The following PSD4 variants were observed in gnomAD, a reference collection of about 807,000 sequenced individuals.
PSD4 encodes pleckstrin and Sec7 domain containing 4.
Under a neutral mutation model 112.5 loss-of-function variants are expected in PSD4, and 59 were observed. The ratio of observed to expected loss-of-function variants is 0.52; its 90% CI spans 0.43 to 0.65. PSD4 has a LOEUF of 0.65. PSD4 is among the 30% of genes least tolerant of loss of function. The probability of loss-of-function intolerance (pLI) is 0.00; values close to 1 mark genes in which losing one functional copy is unlikely to be tolerated. For missense variants in PSD4, 1,267 were observed against 1,352.6 expected, an observed-to-expected ratio of 0.94 and a Z score of 0.99; for synonymous variants, 533 against 540.0, an observed-to-expected ratio of 0.99 and a Z score of 0.18.
Position 113,193,651 on chromosome 2 carries a change from G to T in PSD4, c.2091+1G>T. ...GCTTAACACGGACCTGCATGGACAG[G>T]TAAGACGGTGGAGAGAGTCCCTGTG... On this transcript the variant is annotated splice_donor_variant, in intron 9 of 16. Transcript: ENST00000245796. LOFTEE classifies it high-confidence loss of function. The T allele has an allele frequency of 6.2e-7, 1 of 1,613,048 alleles. No individual in the cohort carries two copies. Among genetic ancestry groups the T allele is most frequent in the Non-Finnish European group, 8.5e-7 (1 of 1,179,006 alleles).
chr2:113,185,322 G>C, intron 3 of PSD4, 43 bp from the exon 4 acceptor site: 1 of 1,611,004 alleles, frequency 6.2e-7, no homozygotes. Context: ...CCACCTCTCT[G>C]TGTATCCAGG....
Position 113,201,729 on chromosome 2 carries a change from A to C in PSD4, c.*314A>C. On this transcript the variant is annotated 3_prime_UTR_variant, in exon 17 of 17. Transcript: ENST00000245796. Reference sequence around the variant, plus strand: ...CCCATGTCACCCTCCAGGCCCCAGAATCCAGAGTGGCCTCATTTCCTAGAC... The same window carrying C: ...CCCATGTCACCCTCCAGGCCCCAGACTCCAGAGTGGCCTCATTTCCTAGAC... 6 of 383,476 alleles carry C rather than the reference A, an allele frequency of 1.6e-5. No homozygotes were observed. Among genetic ancestry groups the C allele is most frequent in the Non-Finnish European group, 1.9e-5 (4 of 207,382 alleles). 23.8% of individuals were successfully genotyped at this position (383,476 alleles called of 1,614,324 possible).
rs146574472 is a variant in PSD4 at position 113,185,047 on chromosome 2, C to T, written c.1147C>T (p.Pro383Ser). ...ESGCVGSDLG[P>S]AAHPVQPWAS... ...AGGATGTGTCGGATCTGATCTTGGC[C>T]CTGCTGCACATCCTGTGCAACCTTG... The change falls in exon 3 of 17, where the codon CCT becomes TCT. Residue 383 changes from proline to serine, a missense_variant. Physicochemically the swap from Pro to Ser is moderately conservative, Grantham distance 74 (BLOSUM62 -1). Coordinates refer to ENST00000245796, the MANE Select transcript of PSD4 (RefSeq NM_012455.3). 1 of 1,614,252 alleles carries T rather than the reference C, an allele frequency of 6.2e-7. No homozygotes were observed. Among genetic ancestry groups the T allele is most frequent in the African/African-American group, 1.3e-5 (1 of 75,070 alleles).
At position 113,197,824 on chromosome 2, in the gene PSD4, G is replaced by C. The variant is rs1340548095; in HGVS notation, c.2535G>C (p.Ser845=). 1 of 1,610,672 alleles carries C rather than the reference G, an allele frequency of 6.2e-7. No individual in the cohort carries two copies. Among genetic ancestry groups the C allele is most frequent in the Non-Finnish European group, 8.5e-7 (1 of 1,177,810 alleles). Residue 845 remains serine, a synonymous_variant, in exon 14 of 17, where the codon TCG becomes TCC. Transcript: ENST00000245796. The part of the protein sequence containing the change: ...MVDEPVGVHH[S]LATPATHYTK... ...ATGAGCCCGTGGGGGTGCACCACTC[G>C]CTGGCCACCCCCGCCACGCATTACA...
chr2:113,195,977 G>A (rs577470692), intron 11 of PSD4, among the ~76,000 whole-genome samples, 170 bp from the exon 12 acceptor site: 2 of 152,152 alleles, frequency 1.3e-5, no homozygotes, highest in Non-Finnish European at 2.9e-5. Flanking sequence ...GTGGGGTATG[G>A]CAGAATTTTC....
Position 113,205,480 on chromosome 2 carries a change from A to G in PSD4, c.*4065A>G, listed in dbSNP as rs1307154997. 6.6e-6 allele frequency: 1 copy of G among 152,108 alleles called. No homozygotes were observed. The highest frequency in any genetic ancestry group is 1.9e-4 in the East Asian group (1 of 5,140). 9.4% of individuals were successfully genotyped at this position (152,108 alleles called of 1,614,324 possible). ...CCCAGTCTTTACTAAAAATACAAAAAATAGCCGGGCATGGTGGCACATGCC... is the reference window on the plus strand; with the variant it reads ...CCCAGTCTTTACTAAAAATACAAAAGATAGCCGGGCATGGTGGCACATGCC... On this transcript the variant is annotated 3_prime_UTR_variant, in exon 17 of 17. Transcript: ENST00000245796.
Position 113,184,999 on chromosome 2 carries a change from G to C in PSD4, c.1099G>C (p.Asp367His). The change falls in exon 3 of 17, where the codon GAC becomes CAC. Residue 367 changes from aspartate (D) to histidine (H), a missense_variant. Transcript: ENST00000245796. ...GPAPSAAPCV[D>H]EALTWESGCV... ...TGCTCCATCTGCAGCACCGTGTGTG[G>C]ACGAAGCATTGACCTGGGAATCAGG... The C allele has an allele frequency of 1.2e-6, 2 of 1,614,248 alleles. No homozygotes were observed. Among genetic ancestry groups the C allele is most frequent in the South Asian group, 2.2e-5 (2 of 91,092 alleles).
At chr2:113,179,865 C>T (rs1688082586) in intron 1 of PSD4, among the ~76,000 whole-genome samples, 1 of 152,178 alleles carries the variant, frequency 6.6e-6, no homozygotes, top group Admixed American at 6.5e-5. Flanking sequence ...GAAGGCCGGT[C>T]AGGGACCATT....
chr2:113,185,270 C>T, intron 3 of PSD4, 95 bp from the exon 4 acceptor site: 1 of 1,567,250 alleles, frequency 6.4e-7, no homozygotes, highest in East Asian at 2.2e-5. Flanking sequence ...CATCCTTCCC[C>T]TCCCCTCCTT....
chr2:113,198,592 G>C, intron 14 of PSD4, 148 bp from the exon 15 acceptor site: 1 of 934,390 alleles, frequency 1.1e-6, no homozygotes, highest in Non-Finnish European at 1.5e-6. Context: ...GTCAGAGGTC[G>C]GGTGCCCGGC....
intron 12 of PSD4, 173 bp downstream of exon 12, chr2:113,196,480 T>A: frequency 2.4e-6 from 2 of 836,174 alleles, no homozygotes; most frequent in South Asian, 2.1e-5. Context: ...GGATGCTGTG[T>A]GAGGCACTAG....
At chr2:113,196,106 T>C in intron 11 of PSD4, 41 bp from the exon 12 acceptor site, 1 of 1,588,932 alleles carries the variant, frequency 6.3e-7, no homozygotes, top group Non-Finnish European at 8.6e-7. Context: ...CCAGTTCTCT[T>C]TGCATAGTCA....
intron 1 of PSD4, among the ~76,000 whole-genome samples, chr2:113,174,805 G>A (rs1249420489): frequency 6.6e-6 from 1 of 152,178 alleles, no homozygotes; most frequent in Non-Finnish European, 1.5e-5. Context: ...CTGCATGGAG[G>A]GAAAGTCCCC....
Position 113,206,982 on chromosome 2 carries a change from C to T in PSD4, c.*5567C>T, listed in dbSNP as rs561880736. 6.6e-6 allele frequency: 1 copy of T among 152,276 alleles called. No individual in the cohort carries two copies. The highest frequency in any genetic ancestry group is 2.4e-5 in the African/African-American group (1 of 41,546). 9.4% of individuals were successfully genotyped at this position (152,276 alleles called of 1,614,324 possible). A position where few individuals can be genotyped will look rare whatever the true frequency, so the allele number is the denominator to read the frequency against. Reference sequence around the variant, plus strand: ...TCGGGCTTCACTCTGATTCAAGGCCCCTTTTCTCTCTTGTTCTTTTGGGGG... The same window carrying T: ...TCGGGCTTCACTCTGATTCAAGGCCTCTTTTCTCTCTTGTTCTTTTGGGGG... On this transcript the variant is annotated 3_prime_UTR_variant, in exon 17 of 17. Coordinates refer to ENST00000245796, the MANE Select transcript of PSD4 (RefSeq NM_012455.3).
chr2:113,184,830 G>A, intron 2 of PSD4, 127 bp from the exon 3 acceptor site: 1 of 1,368,638 alleles, frequency 7.3e-7, no homozygotes, highest in Non-Finnish European at 1.0e-6. Flanking sequence ...CACCACCTGA[G>A]GCAGGGCCAT....
Position 113,199,143 on chromosome 2 carries a change from C to A in PSD4, c.2830C>A (p.Leu944Ile). 6.5e-7 allele frequency: 1 copy of A among 1,530,714 alleles called. No individual in the cohort carries two copies. 94.8% of individuals were successfully genotyped at this position (1,530,714 alleles called of 1,614,324 possible). Reference sequence around the variant, plus strand: ...CGCTGCCGCGGACGACCTGCTGGATCTACAGAGGAACCTGCCGGAGCGGCG... The same window carrying A: ...CGCTGCCGCGGACGACCTGCTGGATATACAGAGGAACCTGCCGGAGCGGCG... ...LDAAADDLLD[L>I]QRNLPERRGR... The change falls in exon 16 of 17, where the codon CTA (leucine) becomes ATA (isoleucine). Residue 944 changes from leucine (L) to isoleucine (I), a missense_variant. Leu to Ile is a conservative substitution (Grantham distance 5). Around this residue, in one of 2 missense-constraint regions of PSD4, gnomAD observed 544 missense variants for 648.6 expected, o/e 0.84. Transcript: ENST00000245796.
rs776985907 is a variant in PSD4 at position 113,193,120 on chromosome 2, A to G, written c.1911A>G (p.Arg637=). 2.5e-6 allele frequency: 4 copies of G among 1,613,814 alleles called. No individual in the cohort carries two copies. In the East Asian group the frequency reaches 6.7e-5, roughly 27 times the overall value. Residue 637 remains arginine (R), a synonymous_variant, in exon 7 of 17, where the codon CGA becomes CGG. Coordinates refer to ENST00000245796, the MANE Select transcript of PSD4 (RefSeq NM_012455.3). ...FFQFGGQSLD[R]ALRSFLQALV... is the part of the protein sequence containing the mutation. ...AGTTTGGAGGCCAGAGTCTGGACCG[A>G]GCCCTCCGGTAATGTCTTTGGGCCC... is the stretch of plus-strand genomic sequence containing the variant.
At chr2:113,192,971 G>A (rs938069874) in intron 6 of PSD4, 77 bp from the exon 7 acceptor site, 143 of 1,428,052 alleles carry the variant, frequency 1.0e-4, no homozygotes, top group Non-Finnish European at 1.3e-4. Context: ...ATGTGTGCAG[G>A]CCCTGGGGGC....
At position 113,197,622 on chromosome 2, in the gene PSD4, C is replaced by T. The variant is rs1290153949; in HGVS notation, c.2445C>T (p.Leu815=). ...MFHTLLRGMV[L]YFLKQGEDHC... The stretch of plus-strand genomic sequence containing the variant: ...ACACCTTACTGCGAGGGATGGTTCT[C>T]TACTTCCTGAAGGTAGGAAAGGAGC... Residue 815 remains leucine (L), a synonymous_variant, in exon 13 of 17, where the codon CTC becomes CTT. Coordinates refer to ENST00000245796, the MANE Select transcript of PSD4 (RefSeq NM_012455.3). 1 of 1,614,206 alleles carries T rather than the reference C, an allele frequency of 6.2e-7. No individual in the cohort carries two copies. The highest frequency in any genetic ancestry group is 1.7e-5 in the Admixed American group (1 of 60,020).
Sources: allele counts gnomAD v4.1 joint callset (sites outside exome capture counted in the v4.1 genomes callset), GRCh38; gene constraint gnomAD v4.1.1; regional missense constraint gnomAD v4.1.1; transcripts MANE v1.5; gene names NCBI Gene and HGNC (gene_info 2026-07-23, HGNC 2026-07-21).